The following OGDH variants were observed in gnomAD, a reference collection of about 807,000 sequenced individuals.
OGDH encodes 2-oxoglutarate dehydrogenase complex component E1.
In OGDH, 38 loss-of-function variants were observed where a neutral mutation model predicts 116.6. The ratio of observed to expected loss-of-function variants is 0.33; its 90% CI spans 0.25 to 0.43. The LOEUF (loss-of-function observed/expected upper bound fraction) is 0.43, where lower values mean the gene tolerates loss of function less well. Ranked by LOEUF, OGDH falls within the 20% of genes least tolerant of loss-of-function variation. The pLI is 1.00. For missense variants in OGDH, 825 were observed against 1,357.2 expected, an observed-to-expected ratio of 0.61 and a Z score of 6.16; for synonymous variants, 488 against 533.3, an observed-to-expected ratio of 0.92 and a Z score of 1.17.
chr7:44,691,981 TA>T (rs371665967), intron 10 of OGDH, among the ~76,000 whole-genome samples: 1,748 of 102,460 alleles, frequency 0.017, 28 homozygotes, highest in African/African-American at 0.052. Flanking sequence ...GACTCTGTCT[TA>T]AAAAAAAAAA....
At chr7:44,688,783 C>T (rs956806713) in intron 10 of OGDH, among the ~76,000 whole-genome samples, 7 of 152,122 alleles carry the variant, frequency 4.6e-5, no homozygotes, top group Non-Finnish European at 1.0e-4. Context: ...ACTCTCCTCT[C>T]TGTGGCCCAG....
chr7:44,699,324 G>T (rs1267295443), intron 18 of OGDH, among the ~76,000 whole-genome samples: 2 of 150,980 alleles, frequency 1.3e-5, no homozygotes, highest in African/African-American at 4.9e-5. Flanking sequence ...TACTCAGGAG[G>T]CTGAGGCAGA....
In OGDH at chr7:44,697,173, G is replaced by A; in HGVS notation, c.2051+109G>A. 1 of 1,500,506 alleles carries A rather than the reference G, an allele frequency of 6.7e-7. No homozygotes were observed. Among genetic ancestry groups the A allele is most frequent in the Non-Finnish European group, 9.1e-7 (1 of 1,104,448 alleles). 92.9% of individuals were successfully genotyped at this position (1,500,506 alleles called of 1,614,324 possible). ...GGTTAGAAACCGGAAGAGTCACATT[G>A]CTCTCAGGCTGAAAACCTCTGTCCC... On this transcript the variant is annotated intron_variant, in intron 15 of 22. Coordinates refer to ENST00000222673, the MANE Select transcript of OGDH (RefSeq NM_002541.4). This position sits in a 1 kb window ranked among gnomAD's most constrained non-coding sequence, Gnocchi z 6.0.
intron 4 of OGDH, among the ~76,000 whole-genome samples, chr7:44,650,219 C>T (rs1041601575): frequency 6.6e-6 from 1 of 152,162 alleles, no homozygotes; most frequent in Non-Finnish European, 1.5e-5. Flanking sequence ...AAATTGGTCT[C>T]GAACTCTCAC....
intron 3 of OGDH, among the ~76,000 whole-genome samples, chr7:44,646,501 T>G (rs1338280038): frequency 6.6e-6 from 1 of 152,252 alleles, no homozygotes; most frequent in East Asian, 1.9e-4. Flanking sequence ...CATGGAGTTT[T>G]GTAAATGCTA....
At chr7:44,664,869 A>T (rs1351899746) in intron 4 of OGDH, among the ~76,000 whole-genome samples, 1 of 152,208 alleles carries the variant, frequency 6.6e-6, no homozygotes, top group Non-Finnish European at 1.5e-5. Flanking sequence ...ACTCAGGATG[A>T]TAGAAGTGAA....
At chr7:44,706,323 ATTT>A (rs111830281) in intron 20 of OGDH, among the ~76,000 whole-genome samples, 30 of 142,432 alleles carry the variant, frequency 2.1e-4, no homozygotes, top group African/African-American at 7.2e-4. Context: ...TTTTTATATA[ATTT>A]TTTTTTTTTT....
chr7:44,666,768 A>G lies in OGDH; in HGVS notation c.550A>G (p.Lys184Glu), dbSNP rs1175143424. 6.2e-7 allele frequency: 1 copy of G among 1,612,950 alleles called. No individual in the cohort carries two copies. Among genetic ancestry groups the G allele is most frequent in the Non-Finnish European group, 8.5e-7 (1 of 1,179,556 alleles). The stretch of plus-strand genomic sequence containing the variant: ...TGGCCTGGATGAGTCTGACCTCGAC[A>G]AGGTCTTCCACTTGCCCACCACCAC... The part of the protein sequence containing the change: ...FYGLDESDLD[K>E]VFHLPTTTFI... Residue 184 changes from lysine to glutamate, a missense_variant, in exon 5 of 23, where the codon AAG (lysine) becomes GAG (glutamate). By Grantham distance (56) the Lys-to-Glu change is moderately conservative. This residue lies in a region of OGDH where 171 missense variants were observed against 276.8 expected (regional missense o/e 0.62). Transcript: ENST00000222673.
At chr7:44,629,155 T>C (rs1178148105) in intron 2 of OGDH, among the ~76,000 whole-genome samples, 2 of 152,242 alleles carry the variant, frequency 1.3e-5, no homozygotes, top group Non-Finnish European at 2.9e-5. Context: ...TTGTTAATGT[T>C]TAAGACAAAC....
At chr7:44,679,658 A>G (rs1011192610) in intron 9 of OGDH, among the ~76,000 whole-genome samples, 4 of 152,184 alleles carry the variant, frequency 2.6e-5, no homozygotes, top group Non-Finnish European at 5.9e-5. Flanking sequence ...CTAAACACCC[A>G]TCTAGATGGC....
At position 44,693,979 on chromosome 7, in the gene OGDH, T is replaced by A. The variant is rs1161939369; in HGVS notation, c.1490T>A (p.Phe497Tyr). The A allele has an allele frequency of 1.9e-6, 3 of 1,613,434 alleles. No homozygotes were observed. The highest frequency in any genetic ancestry group is 2.5e-6 in the Non-Finnish European group (3 of 1,179,452). The change falls in exon 11 of 23, where the codon TTC (phenylalanine) becomes TAC (tyrosine). Residue 497 changes from phenylalanine (F) to tyrosine (Y), a missense_variant. Around this residue, in one of 7 missense-constraint regions of OGDH, gnomAD observed 146 missense variants for 317.3 expected, o/e 0.46. Coordinates refer to ENST00000222673, the MANE Select transcript of OGDH (RefSeq NM_002541.4). ...CKVAAEWRSTFHKDVVVDLVC... is the reference protein window; with the variant it reads ...CKVAAEWRSTYHKDVVVDLVC... ...GTGGCGGCCGAGTGGAGGAGCACCT[T>A]CCACAAGGACGTGGTTGTCGATTTG...
intron 4 of OGDH, among the ~76,000 whole-genome samples, chr7:44,655,734 G>A (rs1189540905): frequency 6.6e-6 from 1 of 152,214 alleles, no homozygotes; most frequent in Non-Finnish European, 1.5e-5. Context: ...AGAAGGAAGT[G>A]TACAGCTGTG....
rs1318520854 is a variant in OGDH at position 44,697,079 on chromosome 7, A to C, written c.2051+15A>C. ...GGCACATTCAGGTAACGTTCTGGGCAGTTTTGTTTGCCCTCCAAAGAGTAG... is the reference window on the plus strand; with the variant it reads ...GGCACATTCAGGTAACGTTCTGGGCCGTTTTGTTTGCCCTCCAAAGAGTAG... On this transcript the variant is annotated intron_variant, in intron 15 of 22. Transcript: ENST00000222673. The surrounding 1 kb of genome is among the most constrained non-coding windows in gnomAD (Gnocchi z 6.0). 6.2e-7 allele frequency: 1 copy of C among 1,605,158 alleles called. No homozygotes were observed. The highest frequency in any genetic ancestry group is 1.1e-5 in the South Asian group (1 of 90,872).
intron 4 of OGDH, among the ~76,000 whole-genome samples, chr7:44,666,271 C>T (rs1787181380): frequency 6.6e-6 from 1 of 152,172 alleles, no homozygotes; most frequent in South Asian, 2.1e-4. Context: ...TTGACATTCA[C>T]CACATACATA....
In OGDH at chr7:44,696,060, A is replaced by G. The variant is rs758402637; in HGVS notation, c.1704A>G (p.Glu568=). 6.2e-7 allele frequency: 1 copy of G among 1,613,012 alleles called. No homozygotes were observed. The highest frequency in any genetic ancestry group is 8.5e-7 in the Non-Finnish European group (1 of 1,179,000). The change falls in exon 13 of 23, where the codon GAA becomes GAG. Residue 568 remains glutamate (E), a synonymous_variant. Transcript: ENST00000222673. ...EISKYDKICE[E]AFARSKDEKI... is the part of the protein sequence containing the mutation. ...CCAAGTATGATAAGATCTGTGAGGA[A>G]GCTTTTGCCAGATCTAAAGATGAGA... is the stretch of plus-strand genomic sequence containing the variant.
intron 2 of OGDH, 96 bp downstream of exon 2, chr7:44,624,661 G>T: frequency 9.6e-7 from 1 of 1,043,412 alleles, no homozygotes; most frequent in Non-Finnish European, 1.5e-6. Context: ...AGGAGTCAGC[G>T]GGCAGACAGG....
At chr7:44,646,074 G>C (rs1445315567) in intron 3 of OGDH, among the ~76,000 whole-genome samples, 1 of 152,158 alleles carries the variant, frequency 6.6e-6, no homozygotes, top group Non-Finnish European at 1.5e-5. Flanking sequence ...GGCAAGTGTT[G>C]AGCAGGACAA....
At chr7:44,652,967 T>C (rs988438539) in intron 4 of OGDH, among the ~76,000 whole-genome samples, 6 of 151,996 alleles carry the variant, frequency 3.9e-5, no homozygotes, top group African/African-American at 1.4e-4. Flanking sequence ...AGAACCAGAG[T>C]ATTATCAATG....
chr7:44,703,696 G>A (rs949543277), intron 20 of OGDH, among the ~76,000 whole-genome samples: 1 of 151,898 alleles, frequency 6.6e-6, no homozygotes, highest in Non-Finnish European at 1.5e-5. Context: ...TTCCAGCCTG[G>A]GTGACAGAGA....
Sources: gnomAD v4.1 joint callset for allele counts (sites outside exome capture counted in the v4.1 genomes callset) on GRCh38, gnomAD v4.1.1 for gene constraint, gnomAD v4.1.1 regional missense constraint, Gnocchi (gnomAD v3.1) non-coding constraint, MANE v1.5 for transcripts, NCBI Gene and HGNC (gene_info 2026-07-23, HGNC 2026-07-21) for gene names.